ELOVL6: variants seen among roughly 807,000 people sequenced by gnomAD.
ELOVL6 encodes the protein very long chain fatty acid elongase 6.
A neutral mutation model predicts 31.7 loss-of-function variants in ELOVL6; 8 were observed. The observed-to-expected ratio is 0.25, with a 90% confidence interval of 0.15 to 0.45. ELOVL6 has a LOEUF of 0.45. ELOVL6 is among the 20% of genes least tolerant of loss of function. ELOVL6 has a pLI of 1.00. For missense variants in ELOVL6, 126 were observed against 326.4 expected (o/e 0.39, Z 4.73); for synonymous variants, 101 against 117.7 (o/e 0.86, Z 0.92).
At chr4:110,097,742 AGTTTT>A (rs1756626458) in intron 2 of ELOVL6, among the ~76,000 whole-genome samples, 1 of 151,820 alleles carries the variant, frequency 6.6e-6, no homozygotes, top group Non-Finnish European at 1.5e-5. Flanking sequence ...CCAGCAATTT[AGTTTT>A]AAGAAAAATC....
intron 1 of ELOVL6, among the ~76,000 whole-genome samples, chr4:110,124,517 G>C (rs62326563): frequency 0.24 from 36,629 of 151,944 alleles, 4,772 homozygotes; most frequent in East Asian, 0.43. Flanking sequence ...AGAACACATG[G>C]ACACGAGGAA....
At chr4:110,075,762 C>T (rs1281693745) in intron 2 of ELOVL6, among the ~76,000 whole-genome samples, 2 of 152,106 alleles carry the variant, frequency 1.3e-5, no homozygotes, top group African/African-American at 4.8e-5. Flanking sequence ...ATCCATTTTT[C>T]ACCACCACCA....
At chr4:110,156,702 A>C (rs896326634) in intron 1 of ELOVL6, among the ~76,000 whole-genome samples, 1 of 152,214 alleles carries the variant, frequency 6.6e-6, no homozygotes, top group Non-Finnish European at 1.5e-5. Context: ...ACAGAAAAAG[A>C]AACGGGCCCA....
At chr4:110,117,593 C>T (rs1009601519) in intron 1 of ELOVL6, 1 of 151,872 alleles carries the variant, frequency 6.6e-6, no homozygotes, top group African/African-American at 2.4e-5. Flanking sequence ...TGAATTCTTA[C>T]AATTATTCAT....
At chr4:110,129,232 T>C (rs1757597692) in intron 1 of ELOVL6, among the ~76,000 whole-genome samples, 1 of 152,170 alleles carries the variant, frequency 6.6e-6, no homozygotes, top group Non-Finnish European at 1.5e-5. Context: ...TCTGTTATTG[T>C]TTTATATATT....
rs200634992 is a variant in ELOVL6 at position 110,056,124 on chromosome 4, G to GC, written c.373+3478_373+3479insG. On this transcript the variant is annotated intron_variant, in intron 3 of 3. Coordinates refer to ENST00000302274, the MANE Select transcript of ELOVL6 (RefSeq NM_024090.3). ...CAAGAGTTTGAGTTTGTGGGAGCTGGGGGGGGGGATACAGTTTCAGTACTA... is the reference window on the plus strand; with the variant it reads ...CAAGAGTTTGAGTTTGTGGGAGCTGGCGGGGGGGGATACAGTTTCAGTACTA... Among the ~76,000 whole-genome samples, 817 of 134,126 alleles carry GC rather than the reference G, an allele frequency of 6.1e-3. 10 individuals carry two copies. The highest frequency in any genetic ancestry group is 0.02 in the African/African-American group (705 of 35,548). The allele number at this position is 134,126 out of a possible 152,430, so 88.0% of individuals were successfully genotyped here.
intron 1 of ELOVL6, among the ~76,000 whole-genome samples, chr4:110,155,416 T>C (rs1181508159): frequency 6.6e-6 from 1 of 152,120 alleles, no homozygotes; most frequent in Non-Finnish European, 1.5e-5. Flanking sequence ...AAAAAAATTA[T>C]TATTTACAAT....
rs535395097 is a variant in ELOVL6, at chr4:110,109,936, T to C, written c.90-4308A>G. ...TGTACACATGTGAGGTACAAGGAGA[T>C]GGGAAAGTAAAAAGCAGTGAGGGGA... On this transcript the variant is annotated intron_variant, in intron 1 of 3. Transcript: ENST00000302274. 3.3e-5 allele frequency among the ~76,000 whole-genome samples: 5 copies of C among 152,186 alleles called. No individual in the cohort carries two copies. In the East Asian group the frequency reaches 9.7e-4, roughly 29 times the overall value.
chr4:110,115,991 C>T (rs1021369709), intron 1 of ELOVL6, among the ~76,000 whole-genome samples: 2 of 152,150 alleles, frequency 1.3e-5, no homozygotes, highest in East Asian at 1.9e-4. Context: ...ATGGTCACGT[C>T]ACCTTATCTG....
At chr4:110,085,398 C>A (rs1211642146) in intron 2 of ELOVL6, among the ~76,000 whole-genome samples, 1 of 152,154 alleles carries the variant, frequency 6.6e-6, no homozygotes, top group Non-Finnish European at 1.5e-5. Flanking sequence ...GTCCACAGTG[C>A]TGGAAAAAAT....
At position 110,105,641 on chromosome 4, in the gene ELOVL6, A is replaced by G. The variant is rs778023355; in HGVS notation, c.90-13T>C. 15 of 1,606,566 alleles carry G rather than the reference A, an allele frequency of 9.3e-6. No homozygotes were observed. The highest frequency in any genetic ancestry group is 8.9e-5 in the East Asian group (4 of 44,716). On this transcript the variant is annotated splice_polypyrimidine_tract_variant and intron_variant, in intron 1 of 3. Coordinates refer to ENST00000302274, the MANE Select transcript of ELOVL6 (RefSeq NM_024090.3). Reference sequence around the variant, plus strand: ...GAAAGATTTCTTCCTGCAAACAAGCAAACAAAATCTTTAAGATATTTTTAG... The same window carrying G: ...GAAAGATTTCTTCCTGCAAACAAGCGAACAAAATCTTTAAGATATTTTTAG...
At chr4:110,127,860 C>T (rs1757553701) in intron 1 of ELOVL6, among the ~76,000 whole-genome samples, 1 of 151,892 alleles carries the variant, frequency 6.6e-6, no homozygotes, top group Admixed American at 6.6e-5. Flanking sequence ...CTCCTTGCAC[C>T]CAGACATGTT....
At chr4:110,174,472 C>T (rs1759042599) in intron 1 of ELOVL6, among the ~76,000 whole-genome samples, 1 of 152,056 alleles carries the variant, frequency 6.6e-6, no homozygotes, top group South Asian at 2.1e-4. Flanking sequence ...GGCCTTCAGG[C>T]ATTTTAAATA....
chr4:110,076,005 C>T (rs895477135), intron 2 of ELOVL6, among the ~76,000 whole-genome samples: 1 of 152,126 alleles, frequency 6.6e-6, no homozygotes, highest in African/African-American at 2.4e-5. Context: ...AGTTGATACC[C>T]TGAAACAATT....
intron 1 of ELOVL6, among the ~76,000 whole-genome samples, chr4:110,131,075 C>T (rs1757652095): frequency 1.3e-5 from 2 of 152,174 alleles, no homozygotes; most frequent in South Asian, 2.1e-4. Context: ...ATTGACTGTA[C>T]TACATGTAAG....
At chr4:110,092,349 A>G (rs1756449573) in intron 2 of ELOVL6, among the ~76,000 whole-genome samples, 1 of 152,248 alleles carries the variant, frequency 6.6e-6, no homozygotes, top group African/African-American at 2.4e-5. Flanking sequence ...GGCCGAGGTC[A>G]TAAGAGGCCT....
intron 1 of ELOVL6, 83 bp from the exon 2 acceptor site, chr4:110,105,711 G>T: frequency 7.7e-7 from 1 of 1,298,432 alleles, no homozygotes; most frequent in Non-Finnish European, 1.1e-6. Context: ...CTCTTTGTAA[G>T]CACTGAAAAA....
intron 2 of ELOVL6, among the ~76,000 whole-genome samples, chr4:110,084,066 C>G (rs1299369336): frequency 4.1e-5 from 2 of 48,818 alleles, no homozygotes; most frequent in South Asian, 7.7e-4. Context: ...TGATATATAA[C>G]ATATATATGC....
chr4:110,141,530 A>C (rs1354553098), intron 1 of ELOVL6, among the ~76,000 whole-genome samples: 1 of 151,926 alleles, frequency 6.6e-6, no homozygotes, highest in Non-Finnish European at 1.5e-5. Context: ...AGGGTGGAAG[A>C]CCTAAGGCAG....
Sources: allele counts gnomAD v4.1 joint callset (sites outside exome capture counted in the v4.1 genomes callset), GRCh38; gene constraint gnomAD v4.1.1; transcripts MANE v1.5; gene names NCBI Gene and HGNC (gene_info 2026-07-23, HGNC 2026-07-21).